The following ATP8A2 variants were observed in gnomAD, a reference collection of about 807,000 sequenced individuals.
ATP8A2 encodes ATPase phospholipid transporting 8A2.
ATP8A2 carries 100 observed loss-of-function variants against 165.6 expected under a neutral mutation model. The observed-to-expected ratio is 0.60, with a 90% CI of 0.51 to 0.71. The LOEUF is 0.71. Among genes scored for constraint, ATP8A2 ranks in the 30% least tolerant of loss-of-function variants. ATP8A2 has a pLI of 0.00. For synonymous variants in ATP8A2, 543 were observed against 548.8 expected (o/e 0.99, Z 0.15); for missense variants, 1,227 against 1,479.5 (o/e 0.83, Z 2.80).
intron 27 of ATP8A2, among the ~76,000 whole-genome samples, chr13:25,805,041 T>C (rs992381946): frequency 6.6e-6 from 1 of 152,236 alleles, no homozygotes; most frequent in African/African-American, 2.4e-5. Context: ...TTCTTGGTCA[T>C]TAATTTTCAG....
chr13:25,411,947 A>G (rs2033978511), intron 1 of ATP8A2, among the ~76,000 whole-genome samples: 1 of 152,224 alleles, frequency 6.6e-6, no homozygotes, highest in African/African-American at 2.4e-5. Flanking sequence ...TCCTAAAACT[A>G]TCTAAATAAA....
chr13:25,450,523 G>T (rs2035185349), intron 1 of ATP8A2, among the ~76,000 whole-genome samples: 1 of 128,658 alleles, frequency 7.8e-6, no homozygotes, highest in Non-Finnish European at 1.8e-5. Flanking sequence ...CATTCTGACT[G>T]GTCTTTGTGT....
intron 2 of ATP8A2, among the ~76,000 whole-genome samples, chr13:25,486,386 A>G (rs1347111703): frequency 6.6e-6 from 1 of 152,220 alleles, no homozygotes; most frequent in Admixed American, 6.5e-5. Flanking sequence ...TACTTTTTAT[A>G]TAAATAGTTT....
chr13:25,553,869 G>A lies in ATP8A2; in HGVS notation c.1134G>A (p.Leu378=). 1.2e-6 allele frequency: 2 copies of A among 1,613,764 alleles called. No homozygotes were observed. Among genetic ancestry groups the A allele is most frequent in the South Asian group, 1.1e-5 (1 of 91,060 alleles). The change falls in exon 12 of 37, where the codon CTG becomes CTA. Residue 378 remains leucine (L), a synonymous_variant. Transcript: ENST00000381655. ...ACAACAATCTTATTCCCATCAGTCTGTTGGTGACTCTTGAGGTTGTGAAGT... is the reference window on the plus strand; with the variant it reads ...ACAACAATCTTATTCCCATCAGTCTATTGGTGACTCTTGAGGTTGTGAAGT... The part of the protein sequence containing the change: ...ILYNNLIPIS[L]LVTLEVVKYT...
At chr13:25,642,503 A>C (rs1446584978) in intron 24 of ATP8A2, among the ~76,000 whole-genome samples, 3 of 152,168 alleles carry the variant, frequency 2.0e-5, no homozygotes, top group Non-Finnish European at 4.4e-5. Flanking sequence ...AAATGCTCAT[A>C]ATCACTGGCC....
intron 30 of ATP8A2, among the ~76,000 whole-genome samples, chr13:25,846,218 C>T (rs1047126756): frequency 6.6e-6 from 1 of 152,130 alleles, no homozygotes; most frequent in Non-Finnish European, 1.5e-5. Context: ...GTTCTCTATG[C>T]CAGGCTCCTC....
intron 33 of ATP8A2, chr13:25,927,366 TG>T (rs1220508576): frequency 1.7e-5 from 6 of 355,104 alleles, no homozygotes; most frequent in African/African-American, 2.1e-5. Flanking sequence ...GTTTGACTTT[TG>T]GGGGCCCCCA....
At chr13:25,678,865 G>A (rs1421483151) in intron 24 of ATP8A2, among the ~76,000 whole-genome samples, 3 of 152,190 alleles carry the variant, frequency 2.0e-5, no homozygotes, top group East Asian at 1.9e-4. Context: ...GGAAAGCGAT[G>A]TATGTGAAAG....
intron 2 of ATP8A2, among the ~76,000 whole-genome samples, chr13:25,506,961 A>ATATATATCTC (rs569215571): frequency 6.9e-6 from 1 of 145,276 alleles, no homozygotes; most frequent in Non-Finnish European, 1.5e-5. Context: ...ATATATATAT[A>ATATATATCTC]TCTTATTTTA....
chr13:25,513,312 C>A, intron 2 of ATP8A2, among the ~76,000 whole-genome samples: 1 of 151,954 alleles, frequency 6.6e-6, no homozygotes, highest in South Asian at 2.1e-4. Context: ...CTCCTCACAT[C>A]CCAGACGGGG....
chr13:25,453,578 C>T (rs1344978030), intron 1 of ATP8A2, among the ~76,000 whole-genome samples: 2 of 152,190 alleles, frequency 1.3e-5, no homozygotes, highest in Non-Finnish European at 2.9e-5. Context: ...ACTAGGGTGC[C>T]TGCCTGTAGC....
At chr13:25,951,326 A>G (rs1980745) in intron 33 of ATP8A2, among the ~76,000 whole-genome samples, 87,921 of 152,126 alleles carry the variant, frequency 0.58, 27,794 homozygotes, top group East Asian at 0.78. Context: ...TGAATTACAG[A>G]TATGTGCAAC....
At position 25,825,855 on chromosome 13, in the gene ATP8A2, G is replaced by A. The variant is rs146754441; in HGVS notation, c.2680-2263G>A. 6.0e-3 allele frequency among the ~76,000 whole-genome samples: 906 copies of A among 152,170 alleles called. 9 individuals are homozygous for A. Among genetic ancestry groups the A allele is most frequent in the Non-Finnish European group, 9.7e-3 (662 of 68,018 alleles). ...AGTTCTTCACCAATATTTCTTCACC[G>A]AGAATAGCCAGACCTCTTGGAAGGG... On this transcript the variant is annotated intron_variant, in intron 27 of 36. Transcript: ENST00000381655.
chr13:25,984,270 T>C (rs1593670226), intron 35 of ATP8A2, among the ~76,000 whole-genome samples: 1 of 147,648 alleles, frequency 6.8e-6, no homozygotes, highest in Non-Finnish European at 1.5e-5. Flanking sequence ...TAATGAAAAG[T>C]TTGGTGTGAT....
At chr13:25,595,972 C>G (rs1322217810) in intron 24 of ATP8A2, among the ~76,000 whole-genome samples, 2 of 152,094 alleles carry the variant, frequency 1.3e-5, no homozygotes, top group Admixed American at 6.6e-5. Context: ...TGAAAGAGAC[C>G]TGGTTAGTCT....
At chr13:25,549,118 A>G (rs537783578) in intron 10 of ATP8A2, among the ~76,000 whole-genome samples, 2 of 152,262 alleles carry the variant, frequency 1.3e-5, no homozygotes, top group South Asian at 2.1e-4. Flanking sequence ...TTAGTGCCTT[A>G]CAAACTCTCA....
intron 30 of ATP8A2, among the ~76,000 whole-genome samples, chr13:25,858,426 C>T (rs1196158922): frequency 1.3e-5 from 2 of 152,144 alleles, no homozygotes; most frequent in African/African-American, 4.8e-5. Flanking sequence ...CGATATAACT[C>T]TTACTTTACC....
At chr13:25,840,487 C>T (rs1951726247) in intron 30 of ATP8A2, among the ~76,000 whole-genome samples, 1 of 150,494 alleles carries the variant, frequency 6.6e-6, no homozygotes, top group Non-Finnish European at 1.5e-5. Context: ...AAAATGCATG[C>T]ACTGCCATTT....
At chr13:25,546,834 A>G (rs2038666526) in intron 10 of ATP8A2, among the ~76,000 whole-genome samples, 1 of 152,158 alleles carries the variant, frequency 6.6e-6, no homozygotes, top group African/African-American at 2.4e-5. Flanking sequence ...TAGGATTCAA[A>G]ACACAGGCAG....
Sources: gnomAD v4.1 joint callset for allele counts (sites outside exome capture counted in the v4.1 genomes callset) on GRCh38, gnomAD v4.1.1 for gene constraint, MANE v1.5 for transcripts, NCBI Gene and HGNC (gene_info 2026-07-23, HGNC 2026-07-21) for gene names.